The following MYRIP variants were observed in gnomAD, a reference collection of about 807,000 sequenced individuals.
MYRIP encodes the protein rab effector MyRIP.
Under a neutral mutation model 98.0 loss-of-function variants are expected in MYRIP, and 49 were observed. That is an observed-to-expected ratio of 0.50 (90% CI 0.40 to 0.63). MYRIP has a LOEUF of 0.63. MYRIP is among the 30% of genes least tolerant of loss of function. The pLI is 0.00. For missense variants in MYRIP, 1,004 were observed against 1,058.2 expected, an observed-to-expected ratio of 0.95 and a Z score of 0.71; for synonymous variants, 404 against 409.5, an observed-to-expected ratio of 0.99 and a Z score of 0.16.
At chr3:39,934,942 T>C (rs1258035441) in intron 2 of MYRIP, among the ~76,000 whole-genome samples, 1 of 152,204 alleles carries the variant, frequency 6.6e-6, no homozygotes, top group East Asian at 1.9e-4. Context: ...GCTGATACTA[T>C]GTCTTCCTCC....
In MYRIP at chr3:39,852,947, A is replaced by G. The variant is rs562388431; in HGVS notation, c.-31+43031A>G. On this transcript the variant is annotated intron_variant, in intron 1 of 16. Coordinates refer to ENST00000302541, the MANE Select transcript of MYRIP (RefSeq NM_015460.4). ...AGGCATGCGCCACCACACCTGGCTA[A>G]TTTTTTATATTTTTGATAGAGACGG... Among the ~76,000 whole-genome samples, 14 of 152,172 alleles carry G rather than the reference A, an allele frequency of 9.2e-5. No individual in the cohort carries two copies. In the East Asian group the frequency reaches 2.7e-3, roughly 29 times the overall value.
At chr3:40,101,904 C>T (rs1193190969) in intron 3 of MYRIP, among the ~76,000 whole-genome samples, 1 of 152,216 alleles carries the variant, frequency 6.6e-6, no homozygotes, top group African/African-American at 2.4e-5. Context: ...GAAAGCTGAT[C>T]TGAGGGTTAG....
At chr3:39,831,844 C>T (rs192048371) in intron 1 of MYRIP, among the ~76,000 whole-genome samples, 43 of 152,232 alleles carry the variant, frequency 2.8e-4, no homozygotes, top group African/African-American at 9.6e-4. Flanking sequence ...TGGTGGCTCT[C>T]GTATTGGACA....
intron 3 of MYRIP, among the ~76,000 whole-genome samples, chr3:40,098,199 G>GT (rs1372524505): frequency 6.6e-6 from 1 of 152,166 alleles, no homozygotes; most frequent in East Asian, 1.9e-4. Flanking sequence ...AGTGCATTAA[G>GT]TTTGCATTTT....
chr3:40,234,136 G>A, intron 12 of MYRIP, 83 bp downstream of exon 12: 1 of 1,385,410 alleles, frequency 7.2e-7, no homozygotes, highest in Non-Finnish European at 9.7e-7. Flanking sequence ...CGTGAAGAGT[G>A]CAAGGACACA....
Position 40,160,167 on chromosome 3 carries a change from T to C in MYRIP, c.470-2563T>C, listed in dbSNP as rs1347497229. Among the ~76,000 whole-genome samples, 9 of 152,246 alleles carry C rather than the reference T, an allele frequency of 5.9e-5. No homozygotes were observed. The East Asian group carries it at 1.7e-3, about 29-fold the overall frequency. On this transcript the variant is annotated intron_variant, in intron 4 of 16. Transcript: ENST00000302541. Reference sequence around the variant, plus strand: ...TTGATGATGGTGATGTAGAGATGGGTTTTTGGTGTGGATATCCTTTCTGTT... The same window carrying C: ...TTGATGATGGTGATGTAGAGATGGGCTTTTGGTGTGGATATCCTTTCTGTT...
intron 2 of MYRIP, among the ~76,000 whole-genome samples, chr3:39,925,842 T>C (rs1348961686): frequency 6.6e-6 from 1 of 152,132 alleles, no homozygotes; most frequent in East Asian, 1.9e-4. Context: ...TTAGGGTATA[T>C]ACCCAGTAGT....
At chr3:40,083,735 TG>T (rs1403039064) in intron 3 of MYRIP, among the ~76,000 whole-genome samples, 2 of 152,016 alleles carry the variant, frequency 1.3e-5, no homozygotes, top group Non-Finnish European at 2.9e-5. Flanking sequence ...TCTCAAACCA[TG>T]GAGGCCAGAA....
At chr3:40,188,196 A>G (rs1951088632) in intron 9 of MYRIP, among the ~76,000 whole-genome samples, 1 of 152,248 alleles carries the variant, frequency 6.6e-6, no homozygotes, top group Non-Finnish European at 1.5e-5. Context: ...TGGTTCTGAA[A>G]CAGGCTTAGC....
intron 1 of MYRIP, among the ~76,000 whole-genome samples, chr3:39,896,270 G>A (rs551765502): frequency 7.9e-5 from 12 of 152,260 alleles, no homozygotes; most frequent in East Asian, 3.9e-4. Context: ...TGGGTGGCAC[G>A]CCTGGTCCAG....
intron 2 of MYRIP, among the ~76,000 whole-genome samples, chr3:40,010,786 G>C (rs1250905963): frequency 1.3e-5 from 2 of 152,088 alleles, no homozygotes; most frequent in Non-Finnish European, 1.5e-5. Context: ...GCCTGGTCCT[G>C]GTTCTGGTTC....
chr3:39,909,361 G>A (rs979418642), intron 2 of MYRIP, among the ~76,000 whole-genome samples: 2 of 152,146 alleles, frequency 1.3e-5, no homozygotes, highest in Admixed American at 1.3e-4. Context: ...TTATTAATTT[G>A]CTTCAAAATC....
At chr3:39,874,928 C>A (rs1367525610) in intron 1 of MYRIP, among the ~76,000 whole-genome samples, 6 of 152,174 alleles carry the variant, frequency 3.9e-5, no homozygotes, top group Non-Finnish European at 7.3e-5. Context: ...ACCAGTTCCT[C>A]CTTGCACCTC....
At chr3:40,192,328 C>CAT (rs372192317) in intron 10 of MYRIP, among the ~76,000 whole-genome samples, 950 of 37,540 alleles carry the variant, frequency 0.025, 39 homozygotes, top group African/African-American at 0.059. Context: ...ATATATATGT[C>CAT]ATATATATAT....
intron 10 of MYRIP, among the ~76,000 whole-genome samples, chr3:40,193,894 T>C (rs912371587): frequency 3.3e-5 from 5 of 152,222 alleles, no homozygotes; most frequent in African/African-American, 1.2e-4. Flanking sequence ...TTTATACTTT[T>C]TTTATCTGTT....
rs1951673109 is a variant in MYRIP at position 40,203,956 on chromosome 3, AT to A, written c.1666-5896del. ...ATAATATATATTATATATATTATAT[AT>A]TATATACATTATATATATTATATAT... On this transcript the variant is annotated intron_variant, in intron 10 of 16. Coordinates refer to ENST00000302541, the MANE Select transcript of MYRIP (RefSeq NM_015460.4). Among the ~76,000 whole-genome samples, 4 of 12,322 alleles carry A rather than the reference AT, an allele frequency of 3.2e-4. No individual in the cohort carries two copies. The Admixed American group carries it at 4.9e-3, about 15-fold the overall frequency. 8.1% of individuals were successfully genotyped at this position (12,322 alleles called of 152,430 possible).
chr3:39,844,307 C>T (rs1025043701), intron 1 of MYRIP, among the ~76,000 whole-genome samples: 1 of 152,198 alleles, frequency 6.6e-6, no homozygotes, highest in African/African-American at 2.4e-5. Context: ...AAGGAATTCC[C>T]TTTACTAATA....
rs1951145711 is a variant in MYRIP, at chr3:40,189,680, T to C, written c.1028-146T>C. 1.0e-5 allele frequency: 8 copies of C among 775,356 alleles called. No homozygotes were observed. The South Asian group carries it at 1.1e-4, about 10-fold the overall frequency. The allele number at this position is 775,356 out of a possible 1,614,324, so 48.0% of individuals were successfully genotyped here. Reference sequence around the variant, plus strand: ...GGGAACTTTGAACTCTGCCCACCAATTGGGTTTGCCTTCCTGGGCTTCCTA... The same window carrying C: ...GGGAACTTTGAACTCTGCCCACCAACTGGGTTTGCCTTCCTGGGCTTCCTA... On this transcript the variant is annotated intron_variant, in intron 9 of 16. Coordinates refer to ENST00000302541, the MANE Select transcript of MYRIP (RefSeq NM_015460.4).
intron 11 of MYRIP, among the ~76,000 whole-genome samples, chr3:40,218,613 TA>T (rs1180927052): frequency 2.0e-3 from 33 of 16,242 alleles, no homozygotes; most frequent in African/African-American, 2.7e-3. Context: ...ATATATATTT[TA>T]TATATATATA....
Sources: gnomAD v4.1 joint callset for allele counts (sites outside exome capture counted in the v4.1 genomes callset) on GRCh38, gnomAD v4.1.1 for gene constraint, MANE v1.5 for transcripts, NCBI Gene and HGNC (gene_info 2026-07-23, HGNC 2026-07-21) for gene names.